FBLN1: variants seen among roughly 807,000 people sequenced by gnomAD.
The protein encoded by FBLN1 is fibulin-1.
Under a neutral mutation model 89.7 loss-of-function variants are expected in FBLN1, and 34 were observed. The ratio of observed to expected loss-of-function variants is 0.38; its 90% CI spans 0.29 to 0.50. The LOEUF is 0.50. Among genes scored for constraint, FBLN1 ranks in the 20% least tolerant of loss-of-function variants. FBLN1 has a pLI of 0.92. For synonymous variants in FBLN1, 393 were observed against 391.3 expected (o/e 1.00, Z -0.05); for missense variants, 777 against 988.1 (o/e 0.79, Z 2.86).
chr22:45,573,674 CTG>C (rs1430858016), intron 14 of FBLN1, among the ~76,000 whole-genome samples: 2 of 69,498 alleles, frequency 2.9e-5, no homozygotes, highest in African/African-American at 1.2e-4. Context: ...GAGCGAGACT[CTG>C]TCTCAAAAAA....
chr22:45,540,096 A>G (rs913521287), intron 8 of FBLN1, among the ~76,000 whole-genome samples: 2 of 152,160 alleles, frequency 1.3e-5, no homozygotes, highest in African/African-American at 4.8e-5. Context: ...TTATTTACAA[A>G]AGCAGGTGTA....
intron 1 of FBLN1, 130 bp downstream of exon 1, chr22:45,503,194 A>T: frequency 4.4e-5 from 13 of 296,904 alleles, no homozygotes; most frequent in East Asian, 3.4e-4. Flanking sequence ...CCGGACTGTC[A>T]GCGCCGAGGC....
chr22:45,532,943 G>A lies in FBLN1; in HGVS notation c.545-120G>A, dbSNP rs893206314. ...CAGCAGGTGGGCTCCAGCCAGGTCA[G>A]CCTGCCTTCCTGGGTTCGTCTGCCC... On this transcript the variant is annotated intron_variant, in intron 5 of 16. Transcript: ENST00000327858. This position sits in a 1 kb window ranked among gnomAD's most constrained non-coding sequence, Gnocchi z 4.2. 3 of 882,970 alleles carry A rather than the reference G, an allele frequency of 3.4e-6. No homozygotes were observed. In the African/African-American group the frequency reaches 4.9e-5, roughly 15 times the overall value. The allele number at this position is 882,970 out of a possible 1,614,324, so 54.7% of individuals were successfully genotyped here. A position where few individuals can be genotyped will look rare whatever the true frequency, so the allele number is the denominator to read the frequency against.
At chr22:45,569,481 A>C (rs2147021292) in intron 14 of FBLN1, among the ~76,000 whole-genome samples, 1 of 152,266 alleles carries the variant, frequency 6.6e-6, no homozygotes, top group East Asian at 1.9e-4. Flanking sequence ...TCTACTAAGA[A>C]TACAAAAATT....
At chr22:45,518,124 T>C (rs1246752524) in intron 1 of FBLN1, among the ~76,000 whole-genome samples, 4 of 70,678 alleles carry the variant, frequency 5.7e-5, no homozygotes, top group Admixed American at 1.3e-4. Flanking sequence ...AGAGACTCTG[T>C]CTCAAAAAAA....
chr22:45,505,518 G>T (rs1320747753), intron 1 of FBLN1, among the ~76,000 whole-genome samples: 1 of 152,196 alleles, frequency 6.6e-6, no homozygotes, highest in Non-Finnish European at 1.5e-5. Flanking sequence ...CCCAACTCAG[G>T]GCTGCATTTG....
Position 45,576,851 on chromosome 22 carries a change from A to C in FBLN1, c.1841-126A>C. 1.8e-6 allele frequency: 2 copies of C among 1,115,414 alleles called. No individual in the cohort carries two copies. The highest frequency in any genetic ancestry group is 2.6e-6 in the Non-Finnish European group (2 of 758,092). The allele number at this position is 1,115,414 out of a possible 1,614,324, so 69.1% of individuals were successfully genotyped here. A position where few individuals can be genotyped will look rare whatever the true frequency, so the allele number is the denominator to read the frequency against. Reference sequence around the variant, plus strand: ...ACACAGGGGATCTCTGGCTTCATTGATGTTGTCTCATGAAAGGGCCCTGGG... The same window carrying C: ...ACACAGGGGATCTCTGGCTTCATTGCTGTTGTCTCATGAAAGGGCCCTGGG... On this transcript the variant is annotated intron_variant, in intron 15 of 16. Coordinates refer to ENST00000327858, the MANE Select transcript of FBLN1 (RefSeq NM_006486.3). The surrounding 1 kb of genome is among the most constrained non-coding windows in gnomAD (Gnocchi z 5.2).
chr22:45,573,184 C>T (rs552214856), intron 14 of FBLN1, among the ~76,000 whole-genome samples: 7 of 151,650 alleles, frequency 4.6e-5, no homozygotes, highest in African/African-American at 1.7e-4. Flanking sequence ...TGAGATTGCG[C>T]CATTGTACTC....
In FBLN1 at chr22:45,578,595, T is replaced by C. The variant is rs983148179; in HGVS notation, c.1972+1487T>C. Among the ~76,000 whole-genome samples the C allele has an allele frequency of 6.7e-6, 1 of 149,102 alleles. No individual in the cohort carries two copies. The highest frequency in any genetic ancestry group is 6.7e-5 in the Admixed American group (1 of 14,936). On this transcript the variant is annotated intron_variant, in intron 16 of 16. Coordinates refer to ENST00000327858, the MANE Select transcript of FBLN1 (RefSeq NM_006486.3). This position sits in a 1 kb window ranked among gnomAD's most constrained non-coding sequence, Gnocchi z 4.6. ...GCCTTGAGGGTCCTTCAGGCCCCTG[T>C]GCAGGAGGGCAGGCAGGGAGGGGGT...
At chr22:45,593,922 C>T (rs146907474) in intron 16 of FBLN1, among the ~76,000 whole-genome samples, 1 of 152,242 alleles carries the variant, frequency 6.6e-6, no homozygotes, top group Non-Finnish European at 1.5e-5. Context: ...TGAGCTGACA[C>T]TGTCCCTGAA....
intron 14 of FBLN1, among the ~76,000 whole-genome samples, chr22:45,559,014 A>G (rs1410542589): frequency 6.6e-6 from 1 of 152,234 alleles, no homozygotes; most frequent in African/African-American, 2.4e-5. Flanking sequence ...TCTCCGAATA[A>G]GATTATGACA....
chr22:45,592,481 C>G (rs1344061020), intron 16 of FBLN1, among the ~76,000 whole-genome samples: 1 of 152,136 alleles, frequency 6.6e-6, no homozygotes, highest in Non-Finnish European at 1.5e-5. Context: ...GCGCCTGCCA[C>G]CATGCCCAGC....
intron 16 of FBLN1, among the ~76,000 whole-genome samples, chr22:45,592,598 G>A (rs2089148308): frequency 6.6e-6 from 1 of 152,204 alleles, no homozygotes; most frequent in South Asian, 2.1e-4. Context: ...AAAGTGCTGG[G>A]ATGACAGGCG....
rs138095284 is a variant in FBLN1, at chr22:45,598,615, C to T, written c.1973-1692C>T. Among the ~76,000 whole-genome samples the T allele has an allele frequency of 4.9e-3, 745 of 152,328 alleles. 4 individuals are homozygous for T. Among genetic ancestry groups the T allele is most frequent in the African/African-American group, 0.017 (721 of 41,578 alleles). On this transcript the variant is annotated intron_variant, in intron 16 of 16. Coordinates refer to ENST00000327858, the MANE Select transcript of FBLN1 (RefSeq NM_006486.3). ...CCATTCTCGCCCCCGCTGGACAATGCACACCCTCCATCAGAGCGTGGTGCA... is the reference window on the plus strand; with the variant it reads ...CCATTCTCGCCCCCGCTGGACAATGTACACCCTCCATCAGAGCGTGGTGCA...
At chr22:45,534,303 A>T in intron 7 of FBLN1, among the ~76,000 whole-genome samples, 1 of 148,100 alleles carries the variant, frequency 6.8e-6, no homozygotes, top group Non-Finnish European at 1.5e-5. Context: ...AAAAAAAAAA[A>T]AAAAAAAAAA....
chr22:45,587,272 G>A (rs2089095575), intron 16 of FBLN1, among the ~76,000 whole-genome samples: 1 of 149,174 alleles, frequency 6.7e-6, no homozygotes, highest in Admixed American at 6.7e-5. Flanking sequence ...TGCCCGGCCA[G>A]AGAGACGTCC....
intron 14 of FBLN1, among the ~76,000 whole-genome samples, chr22:45,560,600 C>T (rs1243433008): frequency 1.3e-5 from 2 of 152,228 alleles, no homozygotes; most frequent in East Asian, 1.9e-4. Context: ...ACATTAAATG[C>T]AGAGTCCCTG....
chr22:45,551,876 C>T (rs1281572855), intron 14 of FBLN1, among the ~76,000 whole-genome samples: 1 of 152,250 alleles, frequency 6.6e-6, no homozygotes, highest in Non-Finnish European at 1.5e-5. Flanking sequence ...AGGAGGCTGG[C>T]TGTGGTTGTG....
intron 1 of FBLN1, among the ~76,000 whole-genome samples, chr22:45,503,917 G>T (rs985334951): frequency 2.6e-5 from 4 of 152,142 alleles, no homozygotes; most frequent in Non-Finnish European, 5.9e-5. Flanking sequence ...CTGGTCCCTG[G>T]GGGGACTGCC....
Sources: gnomAD v4.1 joint callset for allele counts (sites outside exome capture counted in the v4.1 genomes callset) on GRCh38, gnomAD v4.1.1 for gene constraint, Gnocchi (gnomAD v3.1) non-coding constraint, MANE v1.5 for transcripts, NCBI Gene and HGNC (gene_info 2026-07-23, HGNC 2026-07-21) for gene names.